Variants in LRRC4C observed in about 807,000 individuals in gnomAD.
The protein encoded by LRRC4C is leucine rich repeat containing 4C, also known as leucine-rich repeat-containing protein 4C.
A neutral mutation model predicts 33.6 loss-of-function variants in LRRC4C; 5 were observed. That is an observed-to-expected ratio of 0.15 (90% CI 0.08 to 0.31). The LOEUF (loss-of-function observed/expected upper bound fraction) is 0.31, where lower values mean the gene tolerates loss of function less well. Among genes scored for constraint, LRRC4C ranks in the 10% least tolerant of loss-of-function variants. LRRC4C has a pLI of 1.00. For missense variants in LRRC4C, 560 were observed against 796.7 expected (o/e 0.70, Z 3.58); for synonymous variants, 329 against 302.0 (o/e 1.09, Z -0.93).
intron 3 of LRRC4C, among the ~76,000 whole-genome samples, chr11:40,459,411 C>T (rs1590806580): frequency 2.9e-5 from 4 of 136,050 alleles, no homozygotes; most frequent in Admixed American, 2.3e-4. Flanking sequence ...TTAAGGGTGC[C>T]CATCTCAGTC....
At chr11:40,380,375 T>C (rs962698755) in intron 3 of LRRC4C, among the ~76,000 whole-genome samples, 1 of 152,160 alleles carries the variant, frequency 6.6e-6, no homozygotes, top group Non-Finnish European at 1.5e-5. Context: ...CCTGTTTAAA[T>C]TGTGCCTGGG....
chr11:41,106,729 A>G (rs905133539), intron 1 of LRRC4C, among the ~76,000 whole-genome samples: 5 of 152,104 alleles, frequency 3.3e-5, no homozygotes, highest in African/African-American at 1.2e-4. Context: ...GTACAGAGTG[A>G]GTACCCTTAT....
chr11:41,263,630 G>C (rs1949053130), intron 1 of LRRC4C, among the ~76,000 whole-genome samples: 1 of 152,120 alleles, frequency 6.6e-6, no homozygotes, highest in Non-Finnish European at 1.5e-5. Flanking sequence ...TCTGCTTTGA[G>C]TATTTAATAT....
rs529355233 is a variant in LRRC4C, at chr11:40,288,170, C to T, written c.-176+31458G>A. Among the ~76,000 whole-genome samples, 13 of 152,212 alleles carry T rather than the reference C, an allele frequency of 8.5e-5. No homozygotes were observed. The South Asian group carries it at 1.7e-3, about 19-fold the overall frequency. ...GAGGTTAAATGATGCATGTAACACA[C>T]GTGGCCCAGTGGGAAGCTGAGTATT... On this transcript the variant is annotated intron_variant, in intron 4 of 6. Coordinates refer to ENST00000528697, the MANE Select transcript of LRRC4C (RefSeq NM_001258419.2).
chr11:40,925,570 C>G (rs574667271), intron 2 of LRRC4C, among the ~76,000 whole-genome samples: 1 of 152,246 alleles, frequency 6.6e-6, no homozygotes, highest in Non-Finnish European at 1.5e-5. Context: ...GTTTGTTCCA[C>G]AGCATAATCT....
intron 3 of LRRC4C, among the ~76,000 whole-genome samples, chr11:40,538,017 T>G (rs556613814): frequency 6.6e-6 from 1 of 152,308 alleles, no homozygotes; most frequent in East Asian, 1.9e-4. Context: ...GACTTGCAGC[T>G]TATTACAGTT....
chr11:40,346,943 C>T (rs1947163165), intron 3 of LRRC4C, among the ~76,000 whole-genome samples: 1 of 152,138 alleles, frequency 6.6e-6, no homozygotes, highest in African/African-American at 2.4e-5. Flanking sequence ...TAGCATAATT[C>T]TTAAGGGTCC....
Position 40,621,867 on chromosome 11 carries a change from G to A in LRRC4C, c.-270+26275C>T, listed in dbSNP as rs544576516. 7.9e-5 allele frequency among the ~76,000 whole-genome samples: 12 copies of A among 151,828 alleles called. No homozygotes were observed. In the South Asian group the frequency reaches 2.1e-3, roughly 26 times the overall value. On this transcript the variant is annotated intron_variant, in intron 3 of 6. Coordinates refer to ENST00000528697, the MANE Select transcript of LRRC4C (RefSeq NM_001258419.2). Reference sequence around the variant, plus strand: ...CCAATATAACAACTTTATGATATAGGTACTCCATTTACTTCTATTATTCTG... The same window carrying A: ...CCAATATAACAACTTTATGATATAGATACTCCATTTACTTCTATTATTCTG...
intron 5 of LRRC4C, among the ~76,000 whole-genome samples, chr11:40,176,084 G>T (rs566617426): frequency 6.6e-6 from 1 of 152,230 alleles, no homozygotes; most frequent in African/African-American, 2.4e-5. Flanking sequence ...AGAGTTTAGG[G>T]AGAATGAGAT....
chr11:40,333,619 A>G (rs1328928886), intron 3 of LRRC4C, among the ~76,000 whole-genome samples: 2 of 146,974 alleles, frequency 1.4e-5, no homozygotes, highest in African/African-American at 5.0e-5. Context: ...CAGGGGGCTG[A>G]GGCAGAAGAA....
chr11:40,739,921 T>C (rs1948080444), intron 2 of LRRC4C, among the ~76,000 whole-genome samples: 1 of 151,984 alleles, frequency 6.6e-6, no homozygotes, highest in Non-Finnish European at 1.5e-5. Context: ...TGTGTGTGTA[T>C]ATATATTATA....
chr11:40,697,437 T>C (rs1392786166), intron 2 of LRRC4C, among the ~76,000 whole-genome samples: 1 of 152,208 alleles, frequency 6.6e-6, no homozygotes. Context: ...TGGATATACA[T>C]TATTTTCTTT....
At chr11:41,296,560 C>T (rs1305056553) in intron 1 of LRRC4C, among the ~76,000 whole-genome samples, 1 of 152,048 alleles carries the variant, frequency 6.6e-6, no homozygotes, top group Non-Finnish European at 1.5e-5. Context: ...GGTGATTAGC[C>T]CACCTCAGCC....
At chr11:40,865,564 T>G (rs1015948646) in intron 2 of LRRC4C, among the ~76,000 whole-genome samples, 8 of 151,266 alleles carry the variant, frequency 5.3e-5, no homozygotes, top group Non-Finnish European at 1.0e-4. Flanking sequence ...ATGTGATGAA[T>G]ATGTGTAATT....
chr11:41,406,596 T>C lies in LRRC4C; in HGVS notation c.-496+52835A>G, dbSNP rs940788566. Among the ~76,000 whole-genome samples, 4 of 151,988 alleles carry C rather than the reference T, an allele frequency of 2.6e-5. No homozygotes were observed. In the East Asian group the frequency reaches 7.8e-4, roughly 30 times the overall value. ...CATATGATCCACCTCTTACTGATGC[T>C]TCTCTCAGGCTTGAAGAGTCCAGCC... On this transcript the variant is annotated intron_variant, in intron 1 of 6. Transcript: ENST00000528697.
chr11:41,046,464 G>T (rs777703772), intron 1 of LRRC4C, among the ~76,000 whole-genome samples: 1 of 152,096 alleles, frequency 6.6e-6, no homozygotes, highest in African/African-American at 2.4e-5. Flanking sequence ...ATATCAAACT[G>T]TTTCTAACTC....
At chr11:41,127,008 G>T (rs1942775430) in intron 1 of LRRC4C, among the ~76,000 whole-genome samples, 1 of 152,090 alleles carries the variant, frequency 6.6e-6, no homozygotes, top group African/African-American at 2.4e-5. Context: ...TCTATATAAG[G>T]TAAATCCAAT....
intron 1 of LRRC4C, among the ~76,000 whole-genome samples, chr11:41,214,459 C>T (rs1012093350): frequency 4.0e-5 from 6 of 150,714 alleles, no homozygotes; most frequent in African/African-American, 1.5e-4. Flanking sequence ...AATGCAGGCG[C>T]GATGGCTCAC....
chr11:41,313,719 G>A (rs1008011353), intron 1 of LRRC4C, among the ~76,000 whole-genome samples: 1 of 152,094 alleles, frequency 6.6e-6, no homozygotes, highest in East Asian at 1.9e-4. Context: ...TAGAATTAAA[G>A]TATACAAAAC....
Sources: gnomAD v4.1 joint callset for allele counts (sites outside exome capture counted in the v4.1 genomes callset) on GRCh38, gnomAD v4.1.1 for gene constraint, MANE v1.5 for transcripts, NCBI Gene and HGNC (gene_info 2026-07-23, HGNC 2026-07-21) for gene names.